The following FHIT variants were observed in gnomAD, a reference collection of about 807,000 sequenced individuals.
FHIT encodes fragile histidine triad diadenosine triphosphatase.
In FHIT, 19 loss-of-function variants were observed where a neutral mutation model predicts 17.9. The observed-to-expected ratio is 1.06, with a 90% CI of 0.74 to 1.56. FHIT has a LOEUF of 1.56. FHIT is among the 40% of genes most tolerant of loss of function. FHIT has a pLI of 0.00. For missense variants in FHIT, 248 were observed against 189.2 expected (o/e 1.31, Z -1.82); for synonymous variants, 81 against 69.7 (o/e 1.16, Z -0.81).
intron 2 of FHIT, among the ~76,000 whole-genome samples, chr3:61,100,102 G>T (rs1346215990): frequency 1.3e-5 from 2 of 151,922 alleles, no homozygotes; most frequent in Non-Finnish European, 2.9e-5. Context: ...GGGTACATGT[G>T]CACAATGTGC....
intron 2 of FHIT, among the ~76,000 whole-genome samples, chr3:61,146,939 T>C (rs2037241935): frequency 6.6e-6 from 1 of 152,062 alleles, no homozygotes; most frequent in Non-Finnish European, 1.5e-5. Context: ...CTTTTATTTA[T>C]CCAAATGCCT....
At chr3:61,123,712 T>A (rs2036528271) in intron 2 of FHIT, among the ~76,000 whole-genome samples, 1 of 152,090 alleles carries the variant, frequency 6.6e-6, no homozygotes, top group Non-Finnish European at 1.5e-5. Context: ...TTTACTCCCT[T>A]AGTGTAGTAA....
chr3:60,349,396 A>G (rs1408665640), intron 5 of FHIT, among the ~76,000 whole-genome samples: 3 of 152,154 alleles, frequency 2.0e-5, no homozygotes, highest in Non-Finnish European at 2.9e-5. Flanking sequence ...TAAAACTATT[A>G]TGTCTTAATG....
intron 4 of FHIT, among the ~76,000 whole-genome samples, chr3:60,609,743 T>C (rs1257974249): frequency 1.3e-5 from 2 of 152,184 alleles, no homozygotes; most frequent in African/African-American, 4.8e-5. Flanking sequence ...TCATGATGTC[T>C]TTGTTCCTGG....
intron 2 of FHIT, among the ~76,000 whole-genome samples, chr3:61,176,963 A>C (rs897614360): frequency 2.0e-5 from 3 of 152,240 alleles, no homozygotes; most frequent in South Asian, 2.1e-4. Context: ...ATCACGAGGT[A>C]AGGAGATCGA....
chr3:60,683,733 A>G (rs1267069972), intron 4 of FHIT, among the ~76,000 whole-genome samples: 2 of 152,106 alleles, frequency 1.3e-5, no homozygotes, highest in Non-Finnish European at 2.9e-5. Context: ...TTGTTCTACT[A>G]TGGTTATTTT....
At chr3:61,190,699 T>A (rs1448014845) in intron 2 of FHIT, among the ~76,000 whole-genome samples, 9 of 152,202 alleles carry the variant, frequency 5.9e-5, no homozygotes, top group East Asian at 3.9e-4. Flanking sequence ...CAACAATGAT[T>A]GACTGGATTA....
rs1700681591 is a variant in FHIT at position 59,747,664 on chromosome 3, G to A, written c.*1921C>T. Among the ~76,000 whole-genome samples, 2 of 152,046 alleles carry A rather than the reference G, an allele frequency of 1.3e-5. No homozygotes were observed. Among genetic ancestry groups the A allele is most frequent in the African/African-American group, 4.8e-5 (2 of 41,396 alleles). On this transcript the variant is annotated 3_prime_UTR_variant, in exon 10 of 10. Coordinates refer to ENST00000492590, the MANE Select transcript of FHIT (RefSeq NM_002012.4). ...TTCACATTCTTCTTTGCAACCTGTTGGTTTTCAAGACAGACTGTCGGCAAG... is the reference window on the plus strand; with the variant it reads ...TTCACATTCTTCTTTGCAACCTGTTAGTTTTCAAGACAGACTGTCGGCAAG...
At chr3:60,546,796 T>C (rs1224874843) in intron 4 of FHIT, among the ~76,000 whole-genome samples, 3 of 152,164 alleles carry the variant, frequency 2.0e-5, no homozygotes, top group African/African-American at 7.2e-5. Context: ...CATTTGAAAA[T>C]AGTAGATAAT....
rs188887082 is a variant in FHIT, at chr3:60,228,152, G to A, written c.104-214000C>T. ...TTTAATTTTTGAACTCCCACTGTAC[G>A]GCAGACCTTTATCTCATTATTGGAA... On this transcript the variant is annotated intron_variant, in intron 5 of 9. Coordinates refer to ENST00000492590, the MANE Select transcript of FHIT (RefSeq NM_002012.4). Among the ~76,000 whole-genome samples, 63 of 152,188 alleles carry A rather than the reference G, an allele frequency of 4.1e-4. 1 individual carries two copies. The highest frequency in any genetic ancestry group is 1.4e-3 in the African/African-American group (58 of 41,544).
At chr3:60,567,213 T>C (rs1284889266) in intron 4 of FHIT, among the ~76,000 whole-genome samples, 5 of 151,972 alleles carry the variant, frequency 3.3e-5, no homozygotes, top group African/African-American at 7.3e-5. Flanking sequence ...CGAACTATAC[T>C]ACAAGGCTAC....
chr3:60,722,236 T>C (rs1420518327), intron 4 of FHIT, among the ~76,000 whole-genome samples: 2 of 152,186 alleles, frequency 1.3e-5, no homozygotes, highest in Non-Finnish European at 2.9e-5. Flanking sequence ...GCAATTATAT[T>C]CAAAGAAGAG....
chr3:60,365,988 C>G (rs1700091169), intron 5 of FHIT, among the ~76,000 whole-genome samples: 1 of 152,138 alleles, frequency 6.6e-6, no homozygotes, highest in African/African-American at 2.4e-5. Flanking sequence ...CATTGAATGA[C>G]CAAACAACTG....
chr3:59,860,359 G>T (rs1165953468), intron 8 of FHIT, among the ~76,000 whole-genome samples: 3 of 152,288 alleles, frequency 2.0e-5, no homozygotes, highest in African/African-American at 7.2e-5. Context: ...GACCAGGTAT[G>T]CAAGGAGAAA....
At chr3:60,866,167 T>A (rs1009099985) in intron 3 of FHIT, among the ~76,000 whole-genome samples, 24 of 152,230 alleles carry the variant, frequency 1.6e-4, no homozygotes, top group Admixed American at 7.9e-4. Flanking sequence ...ACTTGATACT[T>A]ATTTTTAATC....
intron 5 of FHIT, among the ~76,000 whole-genome samples, chr3:60,406,740 T>G (rs899133234): frequency 1.3e-5 from 2 of 152,080 alleles, no homozygotes; most frequent in Admixed American, 1.3e-4. Flanking sequence ...AGCCCAACCA[T>G]TCCATGAATT....
intron 5 of FHIT, among the ~76,000 whole-genome samples, chr3:60,032,499 G>T (rs1424394968): frequency 1.3e-5 from 2 of 151,910 alleles, no homozygotes; most frequent in Non-Finnish European, 2.9e-5. Context: ...GGGGGAAAAG[G>T]TATACAAGCG....
chr3:61,158,117 C>T (rs764292833), intron 2 of FHIT, among the ~76,000 whole-genome samples: 1 of 152,128 alleles, frequency 6.6e-6, no homozygotes, highest in Non-Finnish European at 1.5e-5. Context: ...AATAATCATT[C>T]ATATTTACGT....
At chr3:61,196,202 T>A (rs2038849264) in intron 2 of FHIT, among the ~76,000 whole-genome samples, 2 of 152,160 alleles carry the variant, frequency 1.3e-5, no homozygotes, top group Admixed American at 6.6e-5. Flanking sequence ...AGAAAGTTGC[T>A]AATTCTGGGA....
Sources: allele counts gnomAD v4.1 joint callset (sites outside exome capture counted in the v4.1 genomes callset), GRCh38; gene constraint gnomAD v4.1.1; transcripts MANE v1.5; gene names NCBI Gene and HGNC (gene_info 2026-07-23, HGNC 2026-07-21).